Variants in SMIM14 observed in about 807,000 individuals in gnomAD.
SMIM14 encodes small integral membrane protein 14.
A neutral mutation model predicts 12.6 loss-of-function variants in SMIM14; 5 were observed. That is an observed-to-expected ratio of 0.40 (90% confidence interval 0.21 to 0.83). The LOEUF (loss-of-function observed/expected upper bound fraction) is 0.83. SMIM14 is among the 40% of genes least tolerant of loss of function. The probability of loss-of-function intolerance (pLI) is 0.37; values close to 1 mark genes in which losing one functional copy is unlikely to be tolerated. For missense variants in SMIM14, 86 were observed against 119.1 expected (o/e 0.72, Z 1.29); for synonymous variants, 30 against 40.1 (o/e 0.75, Z 0.95).
chr4:39,589,781 A>C (rs1713965886), intron 2 of SMIM14: 1 of 152,170 alleles, frequency 6.6e-6, no homozygotes, highest in Non-Finnish European at 1.5e-5. Context: ...AGTGGCTCAC[A>C]TCTGTAATCC....
chr4:39,603,667 CTTG>C (rs1714699020), intron 2 of SMIM14, among the ~76,000 whole-genome samples: 1 of 152,092 alleles, frequency 6.6e-6, no homozygotes, highest in African/African-American at 2.4e-5. Flanking sequence ...CTATTCAAAT[CTTG>C]TTGTTCAGAA....
intron 1 of SMIM14, among the ~76,000 whole-genome samples, chr4:39,632,546 C>T (rs1424191223): frequency 6.6e-6 from 1 of 151,086 alleles, no homozygotes; most frequent in Non-Finnish European, 1.5e-5. Context: ...GTAATCCCAG[C>T]ACTTTGGGAG....
chr4:39,632,681 G>T (rs1715948108), intron 1 of SMIM14, among the ~76,000 whole-genome samples: 5 of 151,312 alleles, frequency 3.3e-5, no homozygotes, highest in South Asian at 2.1e-4. Flanking sequence ...GGGAGGCTGA[G>T]GTGGGTTGGT....
chr4:39,592,781 G>A (rs200437049), intron 2 of SMIM14: 2 of 152,112 alleles, frequency 1.3e-5, no homozygotes, highest in South Asian at 4.1e-4. Context: ...ACGCCTCTAC[G>A]CAAAGAAACT....
At chr4:39,574,237 C>CTTTTTTTT (rs11338888) in intron 2 of SMIM14, among the ~76,000 whole-genome samples, 371 of 126,688 alleles carry the variant, frequency 2.9e-3, no homozygotes, top group South Asian at 7.0e-3. Context: ...CTGCAACTTT[C>CTTTTTTTT]TTTTTTTTTT....
rs868137067 is a variant in SMIM14 at position 39,590,385 on chromosome 4, C to A, written c.75+14686G>T. On this transcript the variant is annotated intron_variant, in intron 2 of 4. Transcript: ENST00000295958. Reference sequence around the variant, plus strand: ...CCGAGAATGCGCCATTGCACTCCAGCCTGAGCAACAAGAGCAAAACTCTGC... The same window carrying A: ...CCGAGAATGCGCCATTGCACTCCAGACTGAGCAACAAGAGCAAAACTCTGC... 4.0e-5 allele frequency among the ~76,000 whole-genome samples: 6 copies of A among 151,366 alleles called. No individual in the cohort carries two copies. The East Asian group carries it at 7.8e-4, about 20-fold the overall frequency.
In SMIM14 at chr4:39,546,660, G is replaced by A. The variant is rs1041030232; in HGVS notation, c.*5466C>T. 1 of 152,206 alleles carries A rather than the reference G, an allele frequency of 6.6e-6. No homozygotes were observed. Among genetic ancestry groups the A allele is most frequent in the Admixed American group, 6.5e-5 (1 of 15,282 alleles). The allele number at this position is 152,206 out of a possible 1,614,324, so 9.4% of individuals were successfully genotyped here. A position where few individuals can be genotyped will look rare whatever the true frequency, so the allele number is the denominator to read the frequency against. On this transcript the variant is annotated 3_prime_UTR_variant, in exon 5 of 5. Coordinates refer to ENST00000295958, the MANE Select transcript of SMIM14 (RefSeq NM_174921.3). The stretch of plus-strand genomic sequence containing the variant: ...AGAGTCATTTAATGAAAACTTAACA[G>A]TTTCACTGAGGATTCAGATATCCGT...
intron 1 of SMIM14, among the ~76,000 whole-genome samples, chr4:39,619,576 TTC>T (rs1341256625): frequency 5.7e-5 from 5 of 87,504 alleles, no homozygotes; most frequent in African/African-American, 2.3e-4. Context: ...ATATAATTTA[TTC>T]TATATATCAA....
intron 3 of SMIM14, among the ~76,000 whole-genome samples, chr4:39,565,174 C>T (rs1560284962): frequency 6.6e-6 from 1 of 152,148 alleles, no homozygotes; most frequent in Non-Finnish European, 1.5e-5. Context: ...GCCATGATTG[C>T]ACCACTTTAC....
chr4:39,638,707 C>A (rs2109264978), intron 1 of SMIM14, 32 bp downstream of exon 1: 1 of 985,460 alleles, frequency 1.0e-6, no homozygotes, highest in African/African-American at 1.7e-5. Context: ...GGTGAGCCAG[C>A]AAACGCTGGT....
chr4:39,638,539 C>A (rs1716192164), intron 1 of SMIM14, 200 bp downstream of exon 1: 1 of 985,394 alleles, frequency 1.0e-6, no homozygotes. Context: ...AGGCTCTTCG[C>A]GGGGGACGCG....
At chr4:39,584,799 AAAAAAAAAAAAAG>A (rs1253264196) in intron 2 of SMIM14, among the ~76,000 whole-genome samples, 1 of 147,240 alleles carries the variant, frequency 6.8e-6, no homozygotes, top group Non-Finnish European at 1.5e-5. Context: ...TTGTCAAAAA[AAAAAAAAAAAAAG>A]AAAAAAGAAA....
chr4:39,561,883 A>G, intron 3 of SMIM14, among the ~76,000 whole-genome samples: 1 of 152,116 alleles, frequency 6.6e-6, no homozygotes, highest in East Asian at 1.9e-4. Context: ...CAGTGAGCCG[A>G]GATCGTGCCA....
chr4:39,576,180 T>G (rs546655833), intron 2 of SMIM14, among the ~76,000 whole-genome samples: 1 of 151,348 alleles, frequency 6.6e-6, no homozygotes, highest in South Asian at 2.1e-4. Flanking sequence ...CAGGCGTGAG[T>G]CACCATGCTT....
intron 4 of SMIM14, among the ~76,000 whole-genome samples, chr4:39,554,498 C>T (rs1179245437): frequency 1.3e-5 from 2 of 151,912 alleles, no homozygotes; most frequent in Non-Finnish European, 2.9e-5. Context: ...ATCCCAGCTA[C>T]TCGGTAGGTG....
At chr4:39,553,079 G>A (rs1193724579) in intron 4 of SMIM14, among the ~76,000 whole-genome samples, 1 of 131,226 alleles carries the variant, frequency 7.6e-6, no homozygotes, top group Non-Finnish European at 1.6e-5. Context: ...TTTTTTCCTT[G>A]AGACAGAGTC....
intron 1 of SMIM14, among the ~76,000 whole-genome samples, chr4:39,632,984 T>G (rs561722397): frequency 3.9e-5 from 6 of 151,904 alleles, no homozygotes; most frequent in Non-Finnish European, 8.8e-5. Flanking sequence ...ACTTGTTGAA[T>G]TATGATTAAA....
At chr4:39,628,531 T>C (rs1290289193) in intron 1 of SMIM14, among the ~76,000 whole-genome samples, 1 of 150,260 alleles carries the variant, frequency 6.7e-6, no homozygotes, top group African/African-American at 2.4e-5. Flanking sequence ...TTAAAAAAAT[T>C]AGCCGGGCAT....
At chr4:39,570,307 C>T (rs569899360) in intron 3 of SMIM14, among the ~76,000 whole-genome samples, 2 of 152,016 alleles carry the variant, frequency 1.3e-5, no homozygotes, top group Non-Finnish European at 2.9e-5. Context: ...ACTACAGGCA[C>T]GTGCCACCAC....
Sources: gnomAD v4.1 joint callset for allele counts (sites outside exome capture counted in the v4.1 genomes callset) on GRCh38, gnomAD v4.1.1 for gene constraint, MANE v1.5 for transcripts, NCBI Gene and HGNC (gene_info 2026-07-23, HGNC 2026-07-21) for gene names.